The following HSPA4 variants were observed in gnomAD, a reference collection of about 807,000 sequenced individuals.
The protein encoded by HSPA4 is heat shock protein family A (Hsp70) member 4.
HSPA4 carries 25 observed loss-of-function variants against 106.2 expected under a neutral mutation model. That is an observed-to-expected ratio of 0.24 (90% confidence interval 0.17 to 0.33). HSPA4 has a LOEUF of 0.33. Ranked by LOEUF, HSPA4 falls within the 10% of genes least tolerant of loss-of-function variation. The pLI is 1.00. For synonymous variants in HSPA4, 332 were observed against 333.6 expected, an observed-to-expected ratio of 1.00 and a Z score of 0.05; for missense variants, 841 against 996.0, an observed-to-expected ratio of 0.84 and a Z score of 2.10.
chr5:133,070,345 G>A, intron 3 of HSPA4, 29 bp from the exon 4 acceptor site: 1 of 1,599,064 alleles, frequency 6.3e-7, no homozygotes, highest in Non-Finnish European at 8.5e-7. Context: ...AATATAATAA[G>A]TCTAGGCCCC....
chr5:133,067,364 A>G (rs1765320315), intron 2 of HSPA4, 53 bp from the exon 3 acceptor site: 3 of 1,348,056 alleles, frequency 2.2e-6, no homozygotes, highest in Non-Finnish European at 2.1e-6. Context: ...GGCTGTTGAA[A>G]TAAAAAAAAA....
chr5:133,094,904 TC>T (rs377763080), intron 13 of HSPA4, among the ~76,000 whole-genome samples: 171 of 152,304 alleles, frequency 1.1e-3, no homozygotes, highest in African/African-American at 3.8e-3. Context: ...TGAATATTTT[TC>T]TAATCTGTGG....
At chr5:133,089,437 TG>T in intron 10 of HSPA4, 124 bp from the exon 11 acceptor site, 1 of 856,286 alleles carries the variant, frequency 1.2e-6, no homozygotes, top group Non-Finnish European at 1.7e-6. Flanking sequence ...TCTTATAATC[TG>T]GAAATAATAC....
intron 8 of HSPA4, among the ~76,000 whole-genome samples, chr5:133,088,076 A>G (rs1161210716): frequency 6.6e-6 from 1 of 152,094 alleles, no homozygotes; most frequent in East Asian, 1.9e-4. Flanking sequence ...GCGTGTTTGA[A>G]TGTTTGGTCT....
rs1187522619 is a variant in HSPA4 at position 133,103,476 on chromosome 5, G to A, written c.2158-389G>A. On this transcript the variant is annotated intron_variant, in intron 17 of 18. Transcript: ENST00000304858. ...CTCCGCCTCCTGGGTTCACGTCAAAGGCCTTCTTTTAAAAATAGTATTCAT... is the reference window on the plus strand; with the variant it reads ...CTCCGCCTCCTGGGTTCACGTCAAAAGCCTTCTTTTAAAAATAGTATTCAT... Among the ~76,000 whole-genome samples, 6 of 152,024 alleles carry A rather than the reference G, an allele frequency of 3.9e-5. No homozygotes were observed. In the East Asian group the frequency reaches 1.2e-3, roughly 29 times the overall value.
chr5:133,090,174 C>T (rs1765628431), intron 11 of HSPA4, among the ~76,000 whole-genome samples: 1 of 152,066 alleles, frequency 6.6e-6, no homozygotes, highest in South Asian at 2.1e-4. Flanking sequence ...GTGGCTCACG[C>T]CTGTAATCCC....
rs951579950 is a variant in HSPA4 at position 133,105,672 on chromosome 5, T to C, written c.*1236T>C. The C allele has an allele frequency of 6.6e-6, 1 of 152,164 alleles. No homozygotes were observed. The highest frequency in any genetic ancestry group is 2.4e-5 in the African/African-American group (1 of 41,434). 9.4% of individuals were successfully genotyped at this position (152,164 alleles called of 1,614,324 possible). ...CTTTAAGAAACTGTTACAGGGCTTGTTGGTAATGTTTTGAATCTTTGTAAA... is the reference window on the plus strand; with the variant it reads ...CTTTAAGAAACTGTTACAGGGCTTGCTGGTAATGTTTTGAATCTTTGTAAA... On this transcript the variant is annotated 3_prime_UTR_variant, in exon 19 of 19. Transcript: ENST00000304858.
rs1363713978 is a variant in HSPA4 at position 133,070,591 on chromosome 5, G to A, written c.429+95G>A. The A allele has an allele frequency of 2.1e-6, 3 of 1,420,804 alleles. 1 individual carries two copies. Among genetic ancestry groups the A allele is most frequent in the African/African-American group, 2.9e-5 (2 of 69,890 alleles). The allele number at this position is 1,420,804 out of a possible 1,614,324, so 88.0% of individuals were successfully genotyped here. A position where few individuals can be genotyped will look rare whatever the true frequency, so the allele number is the denominator to read the frequency against. On this transcript the variant is annotated intron_variant, in intron 4 of 18. Coordinates refer to ENST00000304858, the MANE Select transcript of HSPA4 (RefSeq NM_002154.4). ...AAGTAAACTTGTTTTTTTGTCTCAG[G>A]TTGTAATGGTTATTTAAAATGTTTG...
chr5:133,055,307 A>ATTTTTTTTTTTTTTTTTTTTTTTTTT (rs397999293), intron 1 of HSPA4, among the ~76,000 whole-genome samples: 2 of 60,106 alleles, frequency 3.3e-5, no homozygotes, highest in African/African-American at 6.2e-5. Context: ...AGGAAGGTTG[A>ATTTTTTTTTTTTTTTTTTTTTTTTTT]TTTTTTTTTT....
rs1344235613 is a variant in HSPA4 at position 133,082,035 on chromosome 5, CTGA to C, written c.909-4743_909-4741del. On this transcript the variant is annotated intron_variant, in intron 7 of 18. Transcript: ENST00000304858. ...TGGAAACAACCCAAATGTTCATCAA[CTGA>C]TGAAGTGGGTAAATAAAACATGCTA... Among the ~76,000 whole-genome samples the C allele has an allele frequency of 2.0e-5, 3 of 152,120 alleles. No homozygotes were observed. The East Asian group carries it at 5.8e-4, about 29-fold the overall frequency.
Position 133,052,053 on chromosome 5 carries a change from C to T in HSPA4, c.-198C>T. ...CCCGCTACCGGCGCCTCCTCTGCGG[C>T]CACTGAGCCGGAGCCGGCCTGAGCA... On this transcript the variant is annotated 5_prime_UTR_variant, in exon 1 of 19. Coordinates refer to ENST00000304858, the MANE Select transcript of HSPA4 (RefSeq NM_002154.4). The T allele has an allele frequency of 3.8e-6, 2 of 532,164 alleles. No individual in the cohort carries two copies. Among genetic ancestry groups the T allele is most frequent in the East Asian group, 3.4e-5 (1 of 29,546 alleles). 33.0% of individuals were successfully genotyped at this position (532,164 alleles called of 1,614,324 possible). A position where few individuals can be genotyped will look rare whatever the true frequency, so the allele number is the denominator to read the frequency against.
intron 15 of HSPA4, among the ~76,000 whole-genome samples, chr5:133,098,643 C>T (rs556443855): frequency 6.7e-6 from 1 of 149,696 alleles, no homozygotes; most frequent in Admixed American, 6.7e-5. Context: ...TCTTTATTTA[C>T]TCATTGGTTG....
intron 17 of HSPA4, among the ~76,000 whole-genome samples, chr5:133,103,156 G>A (rs1199790690): frequency 6.6e-6 from 1 of 151,062 alleles, no homozygotes; most frequent in African/African-American, 2.4e-5. Context: ...CAACCTCCTG[G>A]GCTCAAGTGA....
At chr5:133,063,925 C>G (rs932689398) in intron 1 of HSPA4, among the ~76,000 whole-genome samples, 1 of 151,492 alleles carries the variant, frequency 6.6e-6, no homozygotes, top group Admixed American at 6.6e-5. Flanking sequence ...CCACGCCCAG[C>G]TACTTTTTGT....
At chr5:133,067,331 A>T in intron 2 of HSPA4, 86 bp from the exon 3 acceptor site, 1 of 1,183,338 alleles carries the variant, frequency 8.5e-7, no homozygotes, top group Non-Finnish European at 1.2e-6. Flanking sequence ...ATATAAAGTT[A>T]AAATGTTGCT....
At chr5:133,097,379 T>C in intron 15 of HSPA4, 93 bp downstream of exon 15, 2 of 1,084,142 alleles carry the variant, frequency 1.8e-6, no homozygotes, top group East Asian at 2.5e-5. Flanking sequence ...ATGTGTATAG[T>C]AGAATTATTA....
intron 7 of HSPA4, among the ~76,000 whole-genome samples, chr5:133,078,880 C>A (rs867287640): frequency 1.8e-4 from 28 of 151,974 alleles, no homozygotes; most frequent in African/African-American, 6.8e-4. Context: ...ACTACAGGCA[C>A]GTGCCACCAC....
chr5:133,081,524 C>T (rs1031033665), intron 7 of HSPA4, among the ~76,000 whole-genome samples: 20 of 152,004 alleles, frequency 1.3e-4, no homozygotes, highest in Non-Finnish European at 2.6e-4. Context: ...TTCCTGAATA[C>T]CTTATTTGAG....
chr5:133,101,921 CTTTTTTTTTTTTTT>C lies in HSPA4; in HGVS notation c.2157+53_2157+66del, dbSNP rs60177569. On this transcript the variant is annotated intron_variant, in intron 17 of 18. Transcript: ENST00000304858. The stretch of plus-strand genomic sequence containing the variant: ...CCTACTCTTATTTTAGTAAAGTTAA[CTTTTTTTTTTTTTT>C]TTTTTTTTTGAGACGGAGTCTTGCT... 43 of 719,674 alleles carry C rather than the reference CTTTTTTTTTTTTTT, an allele frequency of 6.0e-5. No individual in the cohort carries two copies. In the South Asian group the frequency reaches 9.5e-4, roughly 16 times the overall value. 44.6% of individuals were successfully genotyped at this position (719,674 alleles called of 1,614,324 possible).
Sources: gnomAD v4.1 joint callset for allele counts (sites outside exome capture counted in the v4.1 genomes callset) on GRCh38, gnomAD v4.1.1 for gene constraint, MANE v1.5 for transcripts, NCBI Gene and HGNC (gene_info 2026-07-23, HGNC 2026-07-21) for gene names.